SLC3A1: variants seen among roughly 807,000 people sequenced by gnomAD.
SLC3A1 encodes amino acid transporter heavy chain SLC3A1.
Under a neutral mutation model 60.3 loss-of-function variants are expected in SLC3A1, and 78 were observed. The ratio of observed to expected loss-of-function variants is 1.29; its 90% CI spans 1.08 to 1.56. The LOEUF is 1.56. SLC3A1 is among the 40% of genes most tolerant of loss of function. The probability of loss-of-function intolerance (pLI) is 0.00; values close to 1 mark genes in which losing one functional copy is unlikely to be tolerated. For missense variants in SLC3A1, 1,172 were observed against 858.9 expected (o/e 1.36, Z -4.56); for synonymous variants, 392 against 307.9 (o/e 1.27, Z -2.86).
At chr2:44,318,595 CAT>C (rs1491587191) in intron 9 of SLC3A1, 1,626 of 154,488 alleles carry the variant, frequency 0.011, no homozygotes, top group Middle Eastern at 0.023. Flanking sequence ...AATATATAAA[CAT>C]ATGAAATGAT....
At chr2:44,300,886 G>C (rs1317556501) in intron 5 of SLC3A1, 117 bp from the exon 6 acceptor site, 5 of 1,127,208 alleles carry the variant, frequency 4.4e-6, no homozygotes, top group African/African-American at 3.0e-5. Flanking sequence ...AACCATGTTT[G>C]AGTGTGCGTC....
At position 44,320,504 on chromosome 2, in the gene SLC3A1, C is replaced by A; in HGVS notation, c.1923C>A (p.Asp641Glu). 1 of 1,614,094 alleles carries A rather than the reference C, an allele frequency of 6.2e-7. No homozygotes were observed. The highest frequency in any genetic ancestry group is 8.5e-7 in the Non-Finnish European group (1 of 1,179,970). ...SKVDTSGIFL[D>E]KGEGLIFEHN... ...TTGATACAAGTGGCATTTTTCTGGA[C>A]AAGGGAGAGGGACTCATCTTTGAAC... Residue 641 changes from aspartate (D) to glutamate (E), a missense_variant, in exon 10 of 10, where the codon GAC becomes GAA. Transcript: ENST00000260649.
At chr2:44,309,539 C>A (rs1267657661) in intron 7 of SLC3A1, among the ~76,000 whole-genome samples, 1 of 151,954 alleles carries the variant, frequency 6.6e-6, no homozygotes. Context: ...CTGTTTAAGC[C>A]CCAGATTTCA....
At chr2:44,322,270 G>C (rs1412312732), downstream of SLC3A1, among the ~76,000 whole-genome samples, 1 of 152,102 alleles carries the variant, frequency 6.6e-6, no homozygotes, top group Non-Finnish European at 1.5e-5. Context: ...ATGGCATGTA[G>C]TTTCAAGGCA....
downstream of SLC3A1, chr2:44,321,538 C>T (rs1052516979): frequency 6.6e-7 from 1 of 1,526,538 alleles, no homozygotes; most frequent in East Asian, 2.4e-5. Flanking sequence ...CTTTACCTAA[C>T]CGTGAAGTCA....
rs376817320 is a variant in SLC3A1, at chr2:44,275,521, A to C, written c.-15A>C. ...TACTGCAGGAAGGCACTCCGAAGACATAAGTCGGTGAGACATGGCTGAAGA... is the reference window on the plus strand; with the variant it reads ...TACTGCAGGAAGGCACTCCGAAGACCTAAGTCGGTGAGACATGGCTGAAGA... On this transcript the variant is annotated 5_prime_UTR_variant, in exon 1 of 10. Coordinates refer to ENST00000260649, the MANE Select transcript of SLC3A1 (RefSeq NM_000341.4). 2 of 1,612,430 alleles carry C rather than the reference A, an allele frequency of 1.2e-6. No homozygotes were observed. Among genetic ancestry groups the C allele is most frequent in the South Asian group, 1.1e-5 (1 of 90,648 alleles).
chr2:44,296,205 G>C (rs927995716), intron 4 of SLC3A1, among the ~76,000 whole-genome samples: 2 of 152,116 alleles, frequency 1.3e-5, no homozygotes, highest in African/African-American at 4.8e-5. Flanking sequence ...ACCCTCCCCA[G>C]GGTGAATTGC....
At chr2:44,306,550 C>CTTTTTTT (rs11290172) in intron 7 of SLC3A1, among the ~76,000 whole-genome samples, 2 of 101,122 alleles carry the variant, frequency 2.0e-5, no homozygotes, top group African/African-American at 3.6e-5. Flanking sequence ...TACCATAAAA[C>CTTTTTTT]TTTTTTTTTT....
chr2:44,288,962 G>C (rs1242902296), intron 4 of SLC3A1, among the ~76,000 whole-genome samples: 3 of 151,754 alleles, frequency 2.0e-5, no homozygotes, highest in African/African-American at 7.3e-5. Flanking sequence ...AGCTTCCTGA[G>C]TACCTGGGAC....
chr2:44,285,641 T>A (rs1004243750), intron 3 of SLC3A1: 2 of 478,294 alleles, frequency 4.2e-6, no homozygotes, highest in Admixed American at 2.3e-5. Context: ...AGCTCCAAGA[T>A]GAGCGGAATG....
chr2:44,288,568 C>T (rs1055515073), intron 4 of SLC3A1, among the ~76,000 whole-genome samples: 2 of 152,134 alleles, frequency 1.3e-5, no homozygotes, highest in African/African-American at 2.4e-5. Flanking sequence ...TGAGAAACTG[C>T]CAAGTTGTTT....
intron 7 of SLC3A1, among the ~76,000 whole-genome samples, chr2:44,312,262 G>A (rs1012032310): frequency 6.6e-6 from 1 of 152,082 alleles, no homozygotes; most frequent in African/African-American, 2.4e-5. Flanking sequence ...CCCTTGTCTT[G>A]CTCTCTGCCA....
intron 7 of SLC3A1, among the ~76,000 whole-genome samples, chr2:44,306,148 G>C (rs565036336): frequency 2.6e-4 from 40 of 152,218 alleles, no homozygotes; most frequent in African/African-American, 9.4e-4. Context: ...TAGAGAGAGA[G>C]TTGCCTTACA....
In SLC3A1 at chr2:44,320,912, C is replaced by CT; in HGVS notation, c.*276dup. 4.4e-6 allele frequency: 2 copies of CT among 457,574 alleles called. No homozygotes were observed. Among genetic ancestry groups the CT allele is most frequent in the South Asian group, 2.6e-5 (1 of 38,764 alleles). The allele number at this position is 457,574 out of a possible 1,614,324, so 28.3% of individuals were successfully genotyped here. A position where few individuals can be genotyped will look rare whatever the true frequency, so the allele number is the denominator to read the frequency against. ...ATTAGGACCCCAGATTATTCAAAAA[C>CT]TTTAACGAATTTTAAGGGGAAGAAT... On this transcript the variant is annotated 3_prime_UTR_variant, in exon 10 of 10. Transcript: ENST00000260649.
At chr2:44,295,490 G>C (rs1671828539) in intron 4 of SLC3A1, among the ~76,000 whole-genome samples, 1 of 152,150 alleles carries the variant, frequency 6.6e-6, no homozygotes, top group Admixed American at 6.5e-5. Context: ...CTGGTTGAGA[G>C]AATAAATAGC....
chr2:44,312,517 T>C (rs1439988036), intron 7 of SLC3A1, 69 bp from the exon 8 acceptor site: 19 of 1,551,312 alleles, frequency 1.2e-5, no homozygotes, highest in Non-Finnish European at 1.6e-5. Flanking sequence ...GTGAACTTTC[T>C]GTGAAATAGG....
intron 3 of SLC3A1, 112 bp from the exon 4 acceptor site, chr2:44,285,920 A>C: frequency 1.4e-6 from 2 of 1,404,570 alleles, no homozygotes; most frequent in Admixed American, 1.7e-5. Context: ...TGTAGAAGGA[A>C]AACTCTCAGG....
At chr2:44,301,159 C>T (rs1671996666) in intron 6 of SLC3A1, 32 bp downstream of exon 6, 5 of 1,613,942 alleles carry the variant, frequency 3.1e-6, no homozygotes, top group Non-Finnish European at 4.2e-6. Flanking sequence ...CATTTCTTCC[C>T]AGGCTTAGTG....
chr2:44,278,492 T>A (rs972962075), intron 1 of SLC3A1, among the ~76,000 whole-genome samples: 1 of 150,714 alleles, frequency 6.6e-6, no homozygotes, highest in African/African-American at 2.4e-5. Context: ...ATAAAATAAA[T>A]AAGCAGTGTG....
Sources: allele counts gnomAD v4.1 joint callset (sites outside exome capture counted in the v4.1 genomes callset), GRCh38; gene constraint gnomAD v4.1.1; transcripts MANE v1.5; gene names NCBI Gene and HGNC (gene_info 2026-07-23, HGNC 2026-07-21).